CDH13: variants seen among roughly 807,000 people sequenced by gnomAD.
CDH13 encodes cadherin-13.
In CDH13, 24 loss-of-function variants were observed where a neutral mutation model predicts 63.8. That is an observed-to-expected ratio of 0.38 (90% CI 0.27 to 0.53). The LOEUF is 0.53. Ranked by LOEUF, CDH13 falls within the 20% of genes least tolerant of loss-of-function variation. The pLI is 0.85. For synonymous variants in CDH13, 503 were observed against 355.3 expected (o/e 1.42, Z -4.67); for missense variants, 1,049 against 903.1 (o/e 1.16, Z -2.07).
intron 1 of CDH13, among the ~76,000 whole-genome samples, chr16:82,794,606 C>T (rs893818991): frequency 2.6e-5 from 4 of 152,016 alleles, no homozygotes; most frequent in South Asian, 2.1e-4. Flanking sequence ...TTGACGACAA[C>T]GGAATCCAAT....
At chr16:83,017,681 G>A (rs889998732) in intron 2 of CDH13, among the ~76,000 whole-genome samples, 15 of 152,282 alleles carry the variant, frequency 9.9e-5, no homozygotes, top group African/African-American at 3.6e-4. Flanking sequence ...CATCAAACAT[G>A]AAATACTATT....
intron 7 of CDH13, among the ~76,000 whole-genome samples, chr16:83,503,807 G>C (rs1309586779): frequency 6.6e-6 from 1 of 151,950 alleles, no homozygotes; most frequent in Non-Finnish European, 1.5e-5. Flanking sequence ...TTGCCAGATG[G>C]GTAGATTGCA....
At chr16:83,337,834 A>T (rs368586294) in intron 5 of CDH13, among the ~76,000 whole-genome samples, 132 of 152,088 alleles carry the variant, frequency 8.7e-4, no homozygotes, top group African/African-American at 2.9e-3. Flanking sequence ...AAGCTCCTCA[A>T]TTCATGGATG....
At chr16:82,678,477 T>C (rs926756046) in intron 1 of CDH13, among the ~76,000 whole-genome samples, 13 of 152,196 alleles carry the variant, frequency 8.5e-5, no homozygotes, top group African/African-American at 3.1e-4. Flanking sequence ...GTTTACCTTC[T>C]TATCTCTGGA....
At chr16:83,645,476 T>C (rs1268560609) in intron 8 of CDH13, among the ~76,000 whole-genome samples, 1 of 152,086 alleles carries the variant, frequency 6.6e-6, no homozygotes, top group Non-Finnish European at 1.5e-5. Context: ...GGGTAATAGG[T>C]GTGCTAGAAG....
chr16:83,743,430 C>G (rs1197736848), intron 10 of CDH13, among the ~76,000 whole-genome samples: 1 of 152,138 alleles, frequency 6.6e-6, no homozygotes, highest in Non-Finnish European at 1.5e-5. Context: ...GAGTTCATGT[C>G]TCTAAGCATT....
chr16:82,806,412 T>C (rs754494319), intron 1 of CDH13, among the ~76,000 whole-genome samples: 1 of 152,224 alleles, frequency 6.6e-6, no homozygotes, highest in Non-Finnish European at 1.5e-5. Flanking sequence ...ATTTAGAATT[T>C]GAAATACAAG....
At chr16:82,853,849 G>A (rs1005856741) in intron 1 of CDH13, among the ~76,000 whole-genome samples, 2 of 152,204 alleles carry the variant, frequency 1.3e-5, no homozygotes, top group African/African-American at 4.8e-5. Flanking sequence ...GATGCTCAGA[G>A]CATATATTCT....
chr16:82,902,145 G>A (rs1338001455), intron 2 of CDH13, among the ~76,000 whole-genome samples: 1 of 152,128 alleles, frequency 6.6e-6, no homozygotes, highest in East Asian at 1.9e-4. Flanking sequence ...GGCTTGCTTT[G>A]ATGGATGTGA....
chr16:83,734,875 A>T (rs1911390044), intron 10 of CDH13, among the ~76,000 whole-genome samples: 1 of 151,868 alleles, frequency 6.6e-6, no homozygotes, highest in South Asian at 2.1e-4. Flanking sequence ...GTGGTCTGGT[A>T]AGTTTCAGCT....
At chr16:82,757,751 C>A (rs1190725714) in intron 1 of CDH13, among the ~76,000 whole-genome samples, 19 of 151,062 alleles carry the variant, frequency 1.3e-4, no homozygotes, top group Admixed American at 1.3e-3. Context: ...AAGCGATTAT[C>A]CTGGCTCAGC....
chr16:82,647,804 T>A (rs1910272896), intron 1 of CDH13, among the ~76,000 whole-genome samples: 1 of 152,210 alleles, frequency 6.6e-6, no homozygotes, highest in Admixed American at 6.5e-5. Flanking sequence ...GTGAGCTGTC[T>A]GTCAGTGTCT....
At chr16:82,867,932 C>A (rs900678822) in intron 2 of CDH13, among the ~76,000 whole-genome samples, 1 of 152,168 alleles carries the variant, frequency 6.6e-6, no homozygotes, top group African/African-American at 2.4e-5. Context: ...TTCCTAGATT[C>A]TTTTACTTTT....
intron 11 of CDH13, among the ~76,000 whole-genome samples, chr16:83,757,352 T>A (rs542600331): frequency 4.9e-4 from 75 of 151,966 alleles, no homozygotes; most frequent in Non-Finnish European, 9.3e-4. Flanking sequence ...CTGAGGCGGG[T>A]GAATCACCTG....
intron 1 of CDH13, chr16:82,727,696 C>T (rs192114398): frequency 6.6e-6 from 1 of 151,588 alleles, no homozygotes; most frequent in African/African-American, 2.4e-5. Flanking sequence ...ATTGCTAGGA[C>T]AAAAAAAAGA....
intron 7 of CDH13, among the ~76,000 whole-genome samples, chr16:83,553,472 C>G (rs770448923): frequency 3.9e-5 from 6 of 152,202 alleles, no homozygotes; most frequent in Non-Finnish European, 8.8e-5. Flanking sequence ...ATATATACAA[C>G]ATTGTTTAGT....
rs1202748862 is a variant in CDH13, at chr16:83,087,452, G to C, written c.367-37933G>C. On this transcript the variant is annotated intron_variant, in intron 3 of 13. Transcript: ENST00000567109. ...TGAGAGGCCGAGGCGGGCAGATCAC[G>C]AGGTCAGGAGTTCGAGACCAGCCTA... Among the ~76,000 whole-genome samples, 3 of 152,034 alleles carry C rather than the reference G, an allele frequency of 2.0e-5. No homozygotes were observed. The East Asian group carries it at 5.8e-4, about 30-fold the overall frequency.
chr16:83,050,784 G>C (rs530247329), intron 3 of CDH13, among the ~76,000 whole-genome samples: 2 of 152,176 alleles, frequency 1.3e-5, no homozygotes, highest in South Asian at 2.1e-4. Flanking sequence ...GTGTGAGTCT[G>C]AACACCTGTA....
intron 2 of CDH13, among the ~76,000 whole-genome samples, chr16:82,983,923 G>C (rs908879129): frequency 1.3e-5 from 2 of 152,140 alleles, no homozygotes; most frequent in Non-Finnish European, 1.5e-5. Flanking sequence ...ATGTAAAGAG[G>C]GCTTTTCCTG....
Sources: gnomAD v4.1 joint callset for allele counts (sites outside exome capture counted in the v4.1 genomes callset) on GRCh38, gnomAD v4.1.1 for gene constraint, MANE v1.5 for transcripts, NCBI Gene and HGNC (gene_info 2026-07-23, HGNC 2026-07-21) for gene names.